Variants in ATP6V1E1 observed in about 807,000 individuals in gnomAD.
ATP6V1E1 encodes the protein ATPase H+ transporting V1 subunit E1, also known as V-type proton ATPase subunit E 1.
ATP6V1E1 carries 21 observed loss-of-function variants against 35.2 expected under a neutral mutation model. The observed-to-expected ratio is 0.60, with a 90% CI of 0.42 to 0.86. ATP6V1E1 has a LOEUF of 0.86. Among genes scored for constraint, ATP6V1E1 ranks in the 40% least tolerant of loss-of-function variants. The pLI is 0.00. For synonymous variants in ATP6V1E1, 83 were observed against 87.8 expected, an observed-to-expected ratio of 0.95 and a Z score of 0.30; for missense variants, 183 against 272.6, an observed-to-expected ratio of 0.67 and a Z score of 2.32.
In ATP6V1E1 at chr22:17,615,759, G is replaced by A. The variant is rs1365292882; in HGVS notation, c.100-2439C>T. The stretch of plus-strand genomic sequence containing the variant: ...CTAAGAATACAAAAATTGGCCTGGC[G>A]CGGTAGCTAACGCCTGTAATCCCAA... On this transcript the variant is annotated intron_variant, in intron 2 of 8. Transcript: ENST00000253413. Among the ~76,000 whole-genome samples the A allele has an allele frequency of 3.3e-5, 5 of 152,148 alleles. No individual in the cohort carries two copies. In the South Asian group the frequency reaches 6.2e-4, roughly 19 times the overall value.
chr22:17,607,002 C>A (rs187613471), intron 4 of ATP6V1E1, among the ~76,000 whole-genome samples: 1 of 152,208 alleles, frequency 6.6e-6, no homozygotes, highest in Non-Finnish European at 1.5e-5. Flanking sequence ...TCTTCTAATT[C>A]TCCATCCAAA....
intron 7 of ATP6V1E1, among the ~76,000 whole-genome samples, chr22:17,595,688 G>A (rs2057728296): frequency 6.6e-6 from 1 of 152,136 alleles, no homozygotes; most frequent in Non-Finnish European, 1.5e-5. Context: ...GGGCATGGTG[G>A]GGCGTGCCTG....
intron 2 of ATP6V1E1, among the ~76,000 whole-genome samples, chr22:17,615,110 G>A (rs1262422920): frequency 6.6e-6 from 1 of 151,654 alleles, no homozygotes; most frequent in Non-Finnish European, 1.5e-5. Flanking sequence ...AGACCAGCCT[G>A]GCCAACATAG....
chr22:17,614,693 G>A (rs1601388592), intron 2 of ATP6V1E1, among the ~76,000 whole-genome samples: 1 of 151,468 alleles, frequency 6.6e-6, no homozygotes, highest in East Asian at 2.0e-4. Flanking sequence ...AGTTGCCTGG[G>A]CACGGTGGCT....
At position 17,592,631 on chromosome 22, in the gene ATP6V1E1, A is replaced by T. The variant is rs1185923688; in HGVS notation, c.*43T>A. On this transcript the variant is annotated 3_prime_UTR_variant, in exon 9 of 9. Transcript: ENST00000253413. ...TTCTTCAAATATCAGAAGCTTCCACATCACAGCAGGAGAGCTGACGACGAG... is the reference window on the plus strand; with the variant it reads ...TTCTTCAAATATCAGAAGCTTCCACTTCACAGCAGGAGAGCTGACGACGAG... The T allele has an allele frequency of 6.3e-7, 1 of 1,584,046 alleles. No individual in the cohort carries two copies. The highest frequency in any genetic ancestry group is 8.7e-7 in the Non-Finnish European group (1 of 1,153,014).
intron 6 of ATP6V1E1, 104 bp downstream of exon 6, chr22:17,599,923 C>CAAA: frequency 1.3e-6 from 1 of 746,928 alleles, no homozygotes; most frequent in Non-Finnish European, 1.9e-6. Flanking sequence ...GAGACTCCAC[C>CAAA]AAAAAAAAAA....
At position 17,613,360 on chromosome 22, in the gene ATP6V1E1, T is replaced by G. The variant is rs1021709800; in HGVS notation, c.100-40A>C. ...GTCAATATTAATTCATTACATCAAG[T>G]TTTGATTAACAGTTTTAAACAGCTG... On this transcript the variant is annotated intron_variant, in intron 2 of 8. Coordinates refer to ENST00000253413, the MANE Select transcript of ATP6V1E1 (RefSeq NM_001696.4). 8 of 1,562,328 alleles carry G rather than the reference T, an allele frequency of 5.1e-6. No individual in the cohort carries two copies. The African/African-American group carries it at 1.1e-4, about 21-fold the overall frequency.
At chr22:17,603,379 G>A (rs2057771084) in intron 4 of ATP6V1E1, among the ~76,000 whole-genome samples, 2 of 151,380 alleles carry the variant, frequency 1.3e-5, no homozygotes, top group Non-Finnish European at 2.9e-5. Context: ...AAAAAAATCA[G>A]GTGGTGAGCA....
At chr22:17,594,492 C>A in intron 8 of ATP6V1E1, 37 bp downstream of exon 8, 1 of 1,451,714 alleles carries the variant, frequency 6.9e-7, no homozygotes, top group Non-Finnish European at 9.3e-7. Context: ...TTCAAAGTAA[C>A]AGCAGACCAA....
At position 17,628,689 on chromosome 22, in the gene ATP6V1E1, G is replaced by C; in HGVS notation, c.-54C>G. The C allele has an allele frequency of 6.2e-7, 1 of 1,612,012 alleles. No homozygotes were observed. Among genetic ancestry groups the C allele is most frequent in the Non-Finnish European group, 8.5e-7 (1 of 1,178,192 alleles). On this transcript the variant is annotated 5_prime_UTR_variant, in exon 1 of 9. Transcript: ENST00000253413. Reference sequence around the variant, plus strand: ...GTAGGCTCGAGTTTAGGTTTGAAAGGTGAGGTGAGAGAAATCGGCAAAGGG... The same window carrying C: ...GTAGGCTCGAGTTTAGGTTTGAAAGCTGAGGTGAGAGAAATCGGCAAAGGG...
chr22:17,606,688 A>G (rs2057788494), intron 4 of ATP6V1E1, among the ~76,000 whole-genome samples: 1 of 152,186 alleles, frequency 6.6e-6, no homozygotes, highest in African/African-American at 2.4e-5. Flanking sequence ...CGCTGCCTTC[A>G]GCTCCTCACC....
chr22:17,614,744 G>A (rs1418083408), intron 2 of ATP6V1E1, among the ~76,000 whole-genome samples: 21 of 151,668 alleles, frequency 1.4e-4, no homozygotes, highest in Non-Finnish European at 8.8e-5. Context: ...AGAGGCAGGC[G>A]GATCATGAGG....
chr22:17,627,167 T>A (rs989399966), intron 1 of ATP6V1E1, among the ~76,000 whole-genome samples: 3 of 151,710 alleles, frequency 2.0e-5, no homozygotes, highest in Non-Finnish European at 4.4e-5. Context: ...TCTTTTTTTT[T>A]TTATTTTTTT....
rs2057706392 is a variant in ATP6V1E1, at chr22:17,592,260, G to GT, written c.*413dup. 5.7e-6 allele frequency: 1 copy of GT among 174,540 alleles called. No individual in the cohort carries two copies. Among genetic ancestry groups the GT allele is most frequent in the Admixed American group, 5.7e-5 (1 of 17,540 alleles). 10.8% of individuals were successfully genotyped at this position (174,540 alleles called of 1,614,324 possible). A position where few individuals can be genotyped will look rare whatever the true frequency, so the allele number is the denominator to read the frequency against. On this transcript the variant is annotated 3_prime_UTR_variant, in exon 9 of 9. Coordinates refer to ENST00000253413, the MANE Select transcript of ATP6V1E1 (RefSeq NM_001696.4). The stretch of plus-strand genomic sequence containing the variant: ...AGGGAAAACTTCTAGGCCTAAACAG[G>GT]TAACAGTAAAGCGACTACTGCTGGA...
chr22:17,628,536 A>C lies in ATP6V1E1; in HGVS notation c.33+67T>G. The C allele has an allele frequency of 3.7e-6, 6 of 1,608,124 alleles. No homozygotes were observed. In the South Asian group the frequency reaches 6.6e-5, roughly 18 times the overall value. ...CGGCTCAAGGCCCGCGGCCTTCCCT[A>C]GGCGGGCTCCAGCCCACTCCCCGGG... On this transcript the variant is annotated intron_variant, in intron 1 of 8. Coordinates refer to ENST00000253413, the MANE Select transcript of ATP6V1E1 (RefSeq NM_001696.4).
chr22:17,594,225 A>C (rs2057719790), intron 8 of ATP6V1E1, among the ~76,000 whole-genome samples: 1 of 152,108 alleles, frequency 6.6e-6, no homozygotes, highest in Non-Finnish European at 1.5e-5. Context: ...AAAAAACACA[A>C]GTATTTGCTT....
At chr22:17,614,077 G>A (rs1322836377) in intron 2 of ATP6V1E1, among the ~76,000 whole-genome samples, 11 of 152,102 alleles carry the variant, frequency 7.2e-5, no homozygotes, top group African/African-American at 2.2e-4. Flanking sequence ...TTGGCTGGGC[G>A]CAGTGGCTCA....
chr22:17,617,499 G>A (rs1377401343), intron 2 of ATP6V1E1, among the ~76,000 whole-genome samples: 2 of 152,028 alleles, frequency 1.3e-5, no homozygotes, highest in African/African-American at 2.4e-5. Flanking sequence ...TCAACATGTT[G>A]GCCAGGCTGG....
rs186190745 is a variant in ATP6V1E1 at position 17,609,642 on chromosome 22, G to A, written c.276+3170C>T. On this transcript the variant is annotated intron_variant, in intron 4 of 8. Transcript: ENST00000253413. Reference sequence around the variant, plus strand: ...CACCACCACGCCCGGCTAATTTTTTGTATTTTTAGTGGAGACGTGGTTTCA... The same window carrying A: ...CACCACCACGCCCGGCTAATTTTTTATATTTTTAGTGGAGACGTGGTTTCA... Among the ~76,000 whole-genome samples the A allele has an allele frequency of 7.5e-3, 1,128 of 150,398 alleles. 16 individuals are homozygous for A. Among genetic ancestry groups the A allele is most frequent in the African/African-American group, 0.027 (1,096 of 40,892 alleles).
Sources: allele counts gnomAD v4.1 joint callset (sites outside exome capture counted in the v4.1 genomes callset), GRCh38; gene constraint gnomAD v4.1.1; transcripts MANE v1.5; gene names NCBI Gene and HGNC (gene_info 2026-07-23, HGNC 2026-07-21).